Variants in ACSS3 observed in about 807,000 individuals in gnomAD.
ACSS3 encodes acyl-CoA synthetase short-chain family member 3, mitochondrial.
A neutral mutation model predicts 84.2 loss-of-function variants in ACSS3; 64 were observed. The ratio of observed to expected loss-of-function variants is 0.76; its 90% CI spans 0.62 to 0.94. The LOEUF (loss-of-function observed/expected upper bound fraction) is 0.94. ACSS3 is among the 40% of genes least tolerant of loss of function. The pLI, the probability that ACSS3 is intolerant of heterozygous loss-of-function variation, is 0.00. For synonymous variants in ACSS3, 317 were observed against 310.1 expected (o/e 1.02, Z -0.23); for missense variants, 815 against 867.6 (o/e 0.94, Z 0.76).
chr12:81,254,001 T>C (rs1177058208), intron 15 of ACSS3, among the ~76,000 whole-genome samples: 1 of 152,176 alleles, frequency 6.6e-6, no homozygotes, highest in Non-Finnish European at 1.5e-5. Context: ...CATGGCTCAC[T>C]ACAGCCACAA....
chr12:81,173,766 C>G (rs1168710886), intron 7 of ACSS3, among the ~76,000 whole-genome samples: 1 of 152,078 alleles, frequency 6.6e-6, no homozygotes, highest in Non-Finnish European at 1.5e-5. Flanking sequence ...TACAGAGTTT[C>G]ATGGGAAACA....
intron 2 of ACSS3, among the ~76,000 whole-genome samples, chr12:81,133,465 C>A (rs148178974): frequency 6.6e-6 from 1 of 152,264 alleles, no homozygotes; most frequent in East Asian, 1.9e-4. Flanking sequence ...GGTTTCCTTG[C>A]TGTTCCTTGA....
intron 9 of ACSS3, among the ~76,000 whole-genome samples, chr12:81,213,274 C>T (rs2032665010): frequency 6.6e-6 from 1 of 152,034 alleles, no homozygotes; most frequent in East Asian, 1.9e-4. Context: ...TAATCAGAAG[C>T]CTATTCTGCA....
intron 5 of ACSS3, among the ~76,000 whole-genome samples, chr12:81,149,544 G>A (rs368280620): frequency 1.2e-3 from 188 of 152,192 alleles, no homozygotes; most frequent in African/African-American, 4.2e-3. Context: ...TCAGAAATTT[G>A]AAACTGTATT....
intron 1 of ACSS3, among the ~76,000 whole-genome samples, chr12:81,086,761 AC>A (rs1318942442): frequency 2.0e-5 from 3 of 152,168 alleles, no homozygotes; most frequent in Non-Finnish European, 2.9e-5. Flanking sequence ...TTCATAAGCA[AC>A]AAGCTGCAAC....
At chr12:81,183,603 G>A (rs1406494841) in intron 8 of ACSS3, among the ~76,000 whole-genome samples, 1 of 152,038 alleles carries the variant, frequency 6.6e-6, no homozygotes, top group East Asian at 1.9e-4. Flanking sequence ...AAAGATGGAA[G>A]GGGAACATCC....
chr12:81,224,595 T>C (rs2033212328), intron 11 of ACSS3, among the ~76,000 whole-genome samples: 1 of 151,704 alleles, frequency 6.6e-6, no homozygotes, highest in Non-Finnish European at 1.5e-5. Flanking sequence ...TGTGTGTGTG[T>C]GTGTGTATGC....
chr12:81,251,692 A>G (rs1381199060), intron 13 of ACSS3, among the ~76,000 whole-genome samples: 1 of 150,466 alleles, frequency 6.6e-6, no homozygotes, highest in Non-Finnish European at 1.5e-5. Context: ...AAATACAAAA[A>G]TTTAGCCAGC....
At chr12:81,194,287 T>C (rs942911382) in intron 8 of ACSS3, among the ~76,000 whole-genome samples, 6 of 151,862 alleles carry the variant, frequency 4.0e-5, no homozygotes, top group Admixed American at 3.9e-4. Flanking sequence ...TATTGTTTCA[T>C]TAATTATATC....
chr12:81,131,571 A>G (rs1049637115), intron 2 of ACSS3, among the ~76,000 whole-genome samples: 1 of 152,202 alleles, frequency 6.6e-6, no homozygotes, highest in Non-Finnish European at 1.5e-5. Flanking sequence ...TTCATCTGCA[A>G]ACAGGGACAA....
chr12:81,207,087 G>T (rs2032379285), intron 9 of ACSS3, among the ~76,000 whole-genome samples: 1 of 152,134 alleles, frequency 6.6e-6, no homozygotes, highest in Non-Finnish European at 1.5e-5. Context: ...ACATAAAGTT[G>T]TTTTGGCCTT....
At chr12:81,233,124 A>G (rs1001165400) in intron 12 of ACSS3, among the ~76,000 whole-genome samples, 3 of 151,790 alleles carry the variant, frequency 2.0e-5, no homozygotes, top group Admixed American at 6.6e-5. Flanking sequence ...CAAACACTTA[A>G]ACATTTCTAA....
Position 81,255,098 on chromosome 12 carries a change from T to G in ACSS3, c.*176T>G, listed in dbSNP as rs377136763. 403 of 588,784 alleles carry G rather than the reference T, an allele frequency of 6.8e-4. 1 individual carries two copies. In the African/African-American group the frequency reaches 7.2e-3, roughly 11 times the overall value. 36.5% of individuals were successfully genotyped at this position (588,784 alleles called of 1,614,324 possible). On this transcript the variant is annotated 3_prime_UTR_variant, in exon 16 of 16. Coordinates refer to ENST00000548058, the MANE Select transcript of ACSS3 (RefSeq NM_024560.4). ...AACATGTGAAAGACCTGTGCCTTTT[T>G]TTTGGTTTGACCCTGTTAGCATTGT...
intron 2 of ACSS3, among the ~76,000 whole-genome samples, chr12:81,122,342 C>T (rs968487170): frequency 1.3e-5 from 2 of 151,924 alleles, no homozygotes; most frequent in Admixed American, 6.6e-5. Flanking sequence ...AGAAACACTA[C>T]AATAAAGAAT....
chr12:81,242,580 A>C (rs377536606), intron 13 of ACSS3, among the ~76,000 whole-genome samples: 112 of 149,760 alleles, frequency 7.5e-4, no homozygotes, highest in African/African-American at 1.8e-3. Context: ...GACCAATATC[A>C]TTGATGAACA....
intron 1 of ACSS3, among the ~76,000 whole-genome samples, chr12:81,088,565 T>TGG (rs1881471757): frequency 6.6e-6 from 1 of 152,072 alleles, no homozygotes; most frequent in Non-Finnish European, 1.5e-5. Context: ...ATTTGTTTAA[T>TGG]ATTTATAACA....
chr12:81,160,566 C>T (rs1475126997), intron 7 of ACSS3, among the ~76,000 whole-genome samples: 1 of 152,142 alleles, frequency 6.6e-6, no homozygotes, highest in East Asian at 1.9e-4. Flanking sequence ...TTTGGTAGTT[C>T]ATTTTTTAAT....
chr12:81,248,180 A>C (rs2034042989), intron 13 of ACSS3, among the ~76,000 whole-genome samples: 2 of 152,038 alleles, frequency 1.3e-5, no homozygotes, highest in Admixed American at 6.6e-5. Context: ...GAACTACCAT[A>C]AGGTCTTGCA....
chr12:81,116,542 A>G (rs530324510), intron 2 of ACSS3, among the ~76,000 whole-genome samples: 64 of 152,216 alleles, frequency 4.2e-4, no homozygotes, highest in African/African-American at 1.5e-3. Context: ...AAACTATTTT[A>G]CCACTCTTTG....
Sources: gnomAD v4.1 joint callset for allele counts (sites outside exome capture counted in the v4.1 genomes callset) on GRCh38, gnomAD v4.1.1 for gene constraint, MANE v1.5 for transcripts, NCBI Gene and HGNC (gene_info 2026-07-23, HGNC 2026-07-21) for gene names.